DECR1: variants seen among roughly 807,000 people sequenced by gnomAD.
DECR1 encodes the protein 2,4-dienoyl-CoA reductase [(3E)-enoyl-CoA-producing], mitochondrial.
In DECR1, 44 loss-of-function variants were observed where a neutral mutation model predicts 38.8. That is an observed-to-expected ratio of 1.13 (90% CI 0.89 to 1.46). The LOEUF is 1.46. Among genes scored for constraint, DECR1 ranks in the 40% most tolerant of loss-of-function variants. The pLI, the probability that DECR1 is intolerant of heterozygous loss-of-function variation, is 0.00. For missense variants in DECR1, 428 were observed against 405.5 expected, an observed-to-expected ratio of 1.06 and a Z score of -0.48; for synonymous variants, 148 against 135.2, an observed-to-expected ratio of 1.09 and a Z score of -0.66.
chr8:90,049,869 A>G (rs748116662), intron 8 of DECR1, among the ~76,000 whole-genome samples: 1 of 152,134 alleles, frequency 6.6e-6, no homozygotes, highest in South Asian at 2.1e-4. Flanking sequence ...CAGAAATAAT[A>G]CCACACATCT....
intron 5 of DECR1, among the ~76,000 whole-genome samples, chr8:90,024,404 G>A (rs898542577): frequency 3.2e-4 from 48 of 152,146 alleles, no homozygotes; most frequent in Admixed American, 1.7e-3. Context: ...TTTAATGATC[G>A]CCATTCTAAC....
At chr8:90,040,677 T>G (rs1813736888) in intron 6 of DECR1, among the ~76,000 whole-genome samples, 1 of 152,122 alleles carries the variant, frequency 6.6e-6, no homozygotes, top group Non-Finnish European at 1.5e-5. Flanking sequence ...CCTGTGTCCA[T>G]GTGTTCTCAT....
At chr8:90,037,647 C>A (rs965748341) in intron 6 of DECR1, among the ~76,000 whole-genome samples, 1 of 151,984 alleles carries the variant, frequency 6.6e-6, no homozygotes, top group African/African-American at 2.4e-5. Flanking sequence ...TGAGGTCTTG[C>A]TATGTTGCCC....
intron 5 of DECR1, among the ~76,000 whole-genome samples, chr8:90,035,327 G>T (rs1395391963): frequency 6.6e-6 from 1 of 151,206 alleles, no homozygotes; most frequent in East Asian, 1.9e-4. Context: ...CTATACGTTT[G>T]TTAGAATGCT....
intron 8 of DECR1, among the ~76,000 whole-genome samples, chr8:90,049,715 G>A (rs1350483142): frequency 6.6e-6 from 1 of 152,120 alleles, no homozygotes; most frequent in Admixed American, 6.5e-5. Flanking sequence ...AGCCCACATT[G>A]CCAAGACAAT....
intron 8 of DECR1, among the ~76,000 whole-genome samples, chr8:90,049,710 A>G (rs7829659): frequency 0.26 from 39,680 of 152,090 alleles, 10,236 homozygotes; most frequent in African/African-American, 0.66. Flanking sequence ...AAAAGAGCCC[A>G]CATTGCCAAG....
intron 5 of DECR1, among the ~76,000 whole-genome samples, chr8:90,030,870 T>C (rs1451308150): frequency 6.6e-6 from 1 of 152,172 alleles, no homozygotes; most frequent in Non-Finnish European, 1.5e-5. Flanking sequence ...TAGTATCCTT[T>C]TGAAATCACT....
At chr8:90,005,958 G>T (rs1812727626) in intron 1 of DECR1, 1 of 500,362 alleles carries the variant, frequency 2.0e-6, no homozygotes, top group South Asian at 2.4e-5. Context: ...AAGTGAGAGG[G>T]TGTTGGGAGG....
chr8:90,042,380 A>G (rs1394753507), intron 6 of DECR1: 1 of 194,466 alleles, frequency 5.1e-6, no homozygotes, highest in African/African-American at 2.3e-5. Flanking sequence ...AAAAATGTGT[A>G]TTGACATTGG....
chr8:90,020,974 G>T lies in DECR1; in HGVS notation c.483G>T (p.Trp161Cys). The change falls in exon 5 of 10, where the codon TGG becomes TGT. Residue 161 changes from tryptophan (W) to cysteine (C), a missense_variant. By Grantham distance (215) the Trp-to-Cys change is radical. Coordinates refer to ENST00000220764, the MANE Select transcript of DECR1 (RefSeq NM_001359.2). The stretch of plus-strand genomic sequence containing the variant: ...CTGAAAGACTTTCTCCTAATGCTTG[G>T]AAAACCATAACTGACATAGTTCTAA... Reference protein sequence around the residue: ...SPTERLSPNAWKTITDIVLNG... With the variant: ...SPTERLSPNACKTITDIVLNG... 6.3e-7 allele frequency: 1 copy of T among 1,595,660 alleles called. No homozygotes were observed. The highest frequency in any genetic ancestry group is 8.5e-7 in the Non-Finnish European group (1 of 1,172,718).
chr8:90,019,263 G>A (rs900630378), intron 4 of DECR1, 91 bp downstream of exon 4: 16 of 1,101,180 alleles, frequency 1.5e-5, no homozygotes, highest in East Asian at 2.5e-5. Flanking sequence ...TATTGATACT[G>A]ATGTAGGACA....
At chr8:90,015,892 T>C (rs1812994996) in intron 1 of DECR1, among the ~76,000 whole-genome samples, 1 of 152,246 alleles carries the variant, frequency 6.6e-6, no homozygotes, top group Non-Finnish European at 1.5e-5. Flanking sequence ...GAGCCCTTTC[T>C]GTACAATAGG....
chr8:90,047,721 C>T (rs1388768841), intron 8 of DECR1, among the ~76,000 whole-genome samples: 1 of 152,236 alleles, frequency 6.6e-6, no homozygotes, highest in Non-Finnish European at 1.5e-5. Context: ...CTCAAATCAA[C>T]AGAATATATA....
chr8:90,028,587 T>C (rs1813414243), intron 5 of DECR1, among the ~76,000 whole-genome samples: 1 of 152,096 alleles, frequency 6.6e-6, no homozygotes, highest in Non-Finnish European at 1.5e-5. Flanking sequence ...GTATATGATG[T>C]AACAGGTGTT....
At chr8:90,006,118 G>A (rs970967994) in intron 1 of DECR1, 8 of 677,302 alleles carry the variant, frequency 1.2e-5, no homozygotes, top group Non-Finnish European at 2.2e-5. Flanking sequence ...TCCAACATTG[G>A]GGATCACATT....
intron 8 of DECR1, 145 bp downstream of exon 8, chr8:90,045,140 A>G: frequency 3.2e-6 from 2 of 621,056 alleles, no homozygotes; most frequent in East Asian, 7.7e-5. Flanking sequence ...AATATTATAT[A>G]TATTGTTTAG....
chr8:90,001,760 G>C (rs1258023066), intron 1 of DECR1, among the ~76,000 whole-genome samples, 199 bp downstream of exon 1: 1 of 151,794 alleles, frequency 6.6e-6, no homozygotes, highest in Non-Finnish European at 1.5e-5. Flanking sequence ...GGCGTCCCGG[G>C]GCCTCGGGGA....
At chr8:90,032,605 A>G (rs569263641) in intron 5 of DECR1, among the ~76,000 whole-genome samples, 7 of 152,304 alleles carry the variant, frequency 4.6e-5, no homozygotes, top group African/African-American at 1.4e-4. Context: ...CTGCCCACAT[A>G]TATTTCTTAT....
intron 6 of DECR1, among the ~76,000 whole-genome samples, chr8:90,039,161 T>C (rs1813689294): frequency 6.6e-6 from 1 of 152,212 alleles, no homozygotes; most frequent in African/African-American, 2.4e-5. Flanking sequence ...TCCCAAATTC[T>C]ACATGTTGTT....
Sources: allele counts gnomAD v4.1 joint callset (sites outside exome capture counted in the v4.1 genomes callset), GRCh38; gene constraint gnomAD v4.1.1; transcripts MANE v1.5; gene names NCBI Gene and HGNC (gene_info 2026-07-23, HGNC 2026-07-21).